The following DNHD1 variants were observed in gnomAD, a reference collection of about 807,000 sequenced individuals.
DNHD1 encodes dynein heavy chain domain-containing protein 1.
A neutral mutation model predicts 458.1 loss-of-function variants in DNHD1; 383 were observed. The observed-to-expected ratio is 0.84, with a 90% confidence interval of 0.77 to 0.91. The LOEUF (loss-of-function observed/expected upper bound fraction) is 0.91. Ranked by LOEUF, DNHD1 falls within the 40% of genes least tolerant of loss-of-function variation. DNHD1 has a pLI of 0.00. For missense variants in DNHD1, 5,336 were observed against 5,866.1 expected (o/e 0.91, Z 2.95); for synonymous variants, 2,203 against 2,376.9 (o/e 0.93, Z 2.13).
intron 7 of DNHD1, among the ~76,000 whole-genome samples, chr11:6,511,854 T>C (rs1852340038): frequency 6.6e-6 from 1 of 152,220 alleles, no homozygotes; most frequent in African/African-American, 2.4e-5. Context: ...TTCTTAATTA[T>C]GCATATGTTG....
At chr11:6,542,335 A>C (rs11604481) in intron 18 of DNHD1, among the ~76,000 whole-genome samples, 32,983 of 152,182 alleles carry the variant, frequency 0.22, 3,688 homozygotes, top group Middle Eastern at 0.29. Flanking sequence ...TCTGCTACTA[A>C]AAGTAATAAA....
At position 6,512,211 on chromosome 11, in the gene DNHD1, C is replaced by CTTTCTTTTTTTTTTTT. The variant is rs1185966042; in HGVS notation, c.1392+785_1392+786insCTTTTTTTTTTTTTTT. ...CAAGGAATTTCTTTTCTTTTTCTTT[C>CTTTCTTTTTTTTTTTT]TTTTTTTTTTTTTTTTTTTTTTTTT... On this transcript the variant is annotated intron_variant, in intron 7 of 42. Transcript: ENST00000254579. Among the ~76,000 whole-genome samples, 36 of 91,622 alleles carry CTTTCTTTTTTTTTTTT rather than the reference C, an allele frequency of 3.9e-4. 1 individual carries two copies. The highest frequency in any genetic ancestry group is 1.6e-3 in the African/African-American group (34 of 21,342). 60.1% of individuals were successfully genotyped at this position (91,622 alleles called of 152,430 possible).
In DNHD1 at chr11:6,563,364, G is replaced by T; in HGVS notation, c.9670-18G>T. 1.3e-6 allele frequency: 2 copies of T among 1,551,104 alleles called. No individual in the cohort carries two copies. The highest frequency in any genetic ancestry group is 1.7e-6 in the Non-Finnish European group (2 of 1,146,472). ...ACATCTCAGGAGCTCACTTCAGAGG[G>T]TATCTCTCCTCATTTAGATGAGCAA... On this transcript the variant is annotated intron_variant, in intron 29 of 42. Transcript: ENST00000254579.
rs755894344 is a variant in DNHD1, at chr11:6,533,177, C to T, written c.2498C>T (p.Thr833Ile). ...GATATTCATGCCATTGCACAGTGCA[C>T]CCAGAAGGTGGGCTCTCCCCATCCA... ...NSDIHAIAQC[T>I]QKLNEANEQY... Residue 833 changes from threonine (T) to isoleucine (I), a missense_variant, in exon 13 of 43, where the codon ACC becomes ATC. Physicochemically the swap from Thr to Ile is moderately conservative, Grantham distance 89. Coordinates refer to ENST00000254579, the MANE Select transcript of DNHD1 (RefSeq NM_144666.3). The T allele has an allele frequency of 1.2e-5, 19 of 1,551,262 alleles. No homozygotes were observed. The highest frequency in any genetic ancestry group is 1.7e-5 in the Non-Finnish European group (19 of 1,146,904).
chr11:6,552,520 G>C (rs543923566), intron 24 of DNHD1, among the ~76,000 whole-genome samples: 7 of 151,766 alleles, frequency 4.6e-5, no homozygotes, highest in Admixed American at 2.0e-4. Flanking sequence ...GCAAAACTTC[G>C]TCCCAAAAAA....
At chr11:6,562,329 T>C (rs762858620) in intron 28 of DNHD1, among the ~76,000 whole-genome samples, 1 of 152,034 alleles carries the variant, frequency 6.6e-6, no homozygotes, top group African/African-American at 2.4e-5. Flanking sequence ...ATACATTCAT[T>C]TGGGGACATG....
Position 6,551,772 on chromosome 11 carries a change from C to T in DNHD1, c.7387+2839C>T, listed in dbSNP as rs964210745. On this transcript the variant is annotated intron_variant, in intron 24 of 42. Coordinates refer to ENST00000254579, the MANE Select transcript of DNHD1 (RefSeq NM_144666.3). Reference sequence around the variant, plus strand: ...CCTGGCCAACATGGTGAAACCCCGTCTCTACTAAAAATGCAAAAATTAGCT... The same window carrying T: ...CCTGGCCAACATGGTGAAACCCCGTTTCTACTAAAAATGCAAAAATTAGCT... Among the ~76,000 whole-genome samples, 13 of 152,264 alleles carry T rather than the reference C, an allele frequency of 8.5e-5. No homozygotes were observed. The East Asian group carries it at 2.5e-3, about 29-fold the overall frequency.
intron 6 of DNHD1, among the ~76,000 whole-genome samples, chr11:6,510,088 AT>A (rs367958360): frequency 0.039 from 5,710 of 148,114 alleles, 336 homozygotes; most frequent in African/African-American, 0.13. Context: ...ACTCAAAAGA[AT>A]TTTTTTTTTT....
intron 7 of DNHD1, among the ~76,000 whole-genome samples, chr11:6,513,930 G>C (rs1205255420): frequency 6.6e-6 from 1 of 151,716 alleles, no homozygotes; most frequent in Non-Finnish European, 1.5e-5. Flanking sequence ...TGCAAGCTCT[G>C]CCTCCCGGGT....
At chr11:6,512,211 C>CTTTCTTTTTTTTTTTTTTTT (rs1185966042) in intron 7 of DNHD1, among the ~76,000 whole-genome samples, 5 of 91,630 alleles carry the variant, frequency 5.5e-5, no homozygotes, top group African/African-American at 2.3e-4. Context: ...CTTTTTCTTT[C>CTTTCTTTTTTTTTTTTTTTT]TTTTTTTTTT....
chr11:6,538,928 T>G, intron 16 of DNHD1, 118 bp downstream of exon 16: 1 of 1,111,888 alleles, frequency 9.0e-7, no homozygotes, highest in Non-Finnish European at 1.3e-6. Flanking sequence ...AGTTTCTCCC[T>G]ACCTTTCCCA....
chr11:6,512,211 C>CTTTTTTTTT (rs11287049), intron 7 of DNHD1, among the ~76,000 whole-genome samples: 67 of 91,636 alleles, frequency 7.3e-4, no homozygotes, highest in Middle Eastern at 8.5e-3. Context: ...CTTTTTCTTT[C>CTTTTTTTTT]TTTTTTTTTT....
At chr11:6,529,143 TCTC>T in intron 12 of DNHD1, 22 bp downstream of exon 12, 3 of 1,548,956 alleles carry the variant, frequency 1.9e-6, no homozygotes, top group Non-Finnish European at 1.7e-6. Context: ...TTCTCTTCCC[TCTC>T]CTCCTTCCCT....
At position 6,550,633 on chromosome 11, in the gene DNHD1, G is replaced by A. The variant is rs572164799; in HGVS notation, c.7387+1700G>A. Among the ~76,000 whole-genome samples the A allele has an allele frequency of 5.3e-5, 8 of 152,276 alleles. No individual in the cohort carries two copies. The South Asian group carries it at 1.5e-3, about 28-fold the overall frequency. Reference sequence around the variant, plus strand: ...TATAGCTGTACGCTGTCCAAAAGATGCACTTTAAATATAAAAACACAGATA... The same window carrying A: ...TATAGCTGTACGCTGTCCAAAAGATACACTTTAAATATAAAAACACAGATA... On this transcript the variant is annotated intron_variant, in intron 24 of 42. Coordinates refer to ENST00000254579, the MANE Select transcript of DNHD1 (RefSeq NM_144666.3).
In DNHD1 at chr11:6,564,745, T is replaced by A; in HGVS notation, c.10697T>A (p.Leu3566Ter). 6.5e-7 allele frequency: 1 copy of A among 1,546,780 alleles called. No homozygotes were observed. Among genetic ancestry groups the A allele is most frequent in the Non-Finnish European group, 8.7e-7 (1 of 1,143,156 alleles). Residue 3566 changes from leucine (L) to a stop codon, truncating the protein, a stop_gained, in exon 32 of 43, where the codon TTG becomes TAG. Coordinates refer to ENST00000254579, the MANE Select transcript of DNHD1 (RefSeq NM_144666.3). LOFTEE classifies it high-confidence loss of function. ...LDPSNEALIWLDPLPLEENRS... is the reference protein window; with the variant it reads ...LDPSNEALIW ...CCCAGCAACGAGGCCCTCATCTGGT[T>A]GGACCCGCTGCCTCTGGAAGAGAAT...
chr11:6,498,933 G>A lies in DNHD1; in HGVS notation c.718G>A (p.Val240Met), dbSNP rs746560822. The change falls in exon 3 of 43, where the codon GTG (valine) becomes ATG (methionine). Residue 240 changes from valine (V) to methionine (M), a missense_variant. Val to Met is a conservative substitution (Grantham distance 21). This residue lies in a region of DNHD1 where 3,932 missense variants were observed against 4,365.6 expected (regional missense o/e 0.90). Coordinates refer to ENST00000254579, the MANE Select transcript of DNHD1 (RefSeq NM_144666.3). ...AAGCAGTGACACTGACAATGCAGAG[G>A]TGGAGCCTGTTGGAAGAAAAGAGAC... is the stretch of plus-strand genomic sequence containing the variant. ...YESSDTDNAE[V>M]EPVGRKETRS... 6.2e-7 allele frequency: 1 copy of A among 1,610,216 alleles called. No homozygotes were observed. The highest frequency in any genetic ancestry group is 8.5e-7 in the Non-Finnish European group (1 of 1,177,864).
intron 7 of DNHD1, among the ~76,000 whole-genome samples, chr11:6,515,758 A>G (rs1852449133): frequency 6.9e-6 from 1 of 144,428 alleles, no homozygotes; most frequent in East Asian, 2.0e-4. Flanking sequence ...TCACTGTTTT[A>G]TTCAAATATT....
At chr11:6,561,508 G>A (rs1853587075) in intron 28 of DNHD1, among the ~76,000 whole-genome samples, 2 of 152,206 alleles carry the variant, frequency 1.3e-5, no homozygotes, top group Admixed American at 6.5e-5. Flanking sequence ...CCTTCATGGT[G>A]CTTATAGTTT....
At chr11:6,508,509 C>G (rs1852270680) in intron 4 of DNHD1, 1 of 178,994 alleles carries the variant, frequency 5.6e-6, no homozygotes, top group South Asian at 1.3e-4. Flanking sequence ...TGTGATGCAT[C>G]TTACAAATTG....
Sources: gnomAD v4.1 joint callset for allele counts (sites outside exome capture counted in the v4.1 genomes callset) on GRCh38, gnomAD v4.1.1 for gene constraint, gnomAD v4.1.1 regional missense constraint, MANE v1.5 for transcripts, NCBI Gene and HGNC (gene_info 2026-07-23, HGNC 2026-07-21) for gene names.